Variants in OTOA observed in about 807,000 individuals in gnomAD.
OTOA encodes the protein cancer/testis antigen 108.
Under a neutral mutation model 110.8 loss-of-function variants are expected in OTOA, and 70 were observed. The observed-to-expected ratio is 0.63, with a 90% CI of 0.52 to 0.77. OTOA has a LOEUF of 0.77. Among genes scored for constraint, OTOA ranks in the 30% least tolerant of loss-of-function variants. The pLI is 0.00. For missense variants in OTOA, 917 were observed against 1,075.8 expected, an observed-to-expected ratio of 0.85 and a Z score of 2.06; for synonymous variants, 373 against 431.5, an observed-to-expected ratio of 0.86 and a Z score of 1.68.
Position 21,709,878 on chromosome 16 carries a change from C to G in OTOA, c.1105-10C>G, listed in dbSNP as rs727503349. 6.2e-6 allele frequency: 10 copies of G among 1,608,116 alleles called. No individual in the cohort carries two copies. Among genetic ancestry groups the G allele is most frequent in the Non-Finnish European group, 8.5e-6 (10 of 1,174,696 alleles). On this transcript the variant is annotated splice_polypyrimidine_tract_variant and intron_variant, in intron 12 of 28. Coordinates refer to ENST00000646100, the MANE Select transcript of OTOA (RefSeq NM_144672.4). ...CTGTCAACACTCATTCCAGTTTGCT[C>G]TCCTTCCAGCTCAAAGCAGAACTCC...
chr16:21,677,668 G>C (rs943869264), intron 1 of OTOA, among the ~76,000 whole-genome samples: 1 of 151,650 alleles, frequency 6.6e-6, no homozygotes, highest in African/African-American at 2.4e-5. Context: ...ATTTTTATTA[G>C]AGACGGGGTT....
chr16:21,682,475 A>G (rs1490096556), intron 6 of OTOA, among the ~76,000 whole-genome samples: 1 of 152,238 alleles, frequency 6.6e-6, no homozygotes, highest in African/African-American at 2.4e-5. Context: ...TATAGTGATC[A>G]GTCTTTCTAC....
chr16:21,668,900 G>A (rs1350845891), intron 1 of OTOA, among the ~76,000 whole-genome samples: 1 of 152,034 alleles, frequency 6.6e-6, no homozygotes, highest in Non-Finnish European at 1.5e-5. Context: ...GTTTTGGGGA[G>A]TTTTCCACAG....
At chr16:21,758,738 T>C (rs1333649344) in intron 28 of OTOA, among the ~76,000 whole-genome samples, 1 of 151,078 alleles carries the variant, frequency 6.6e-6, no homozygotes, top group Non-Finnish European at 1.5e-5. Flanking sequence ...CATTGGCTCA[T>C]GCCTGTAATC....
At chr16:21,712,245 T>C (rs1898379198) in intron 13 of OTOA, among the ~76,000 whole-genome samples, 2 of 151,880 alleles carry the variant, frequency 1.3e-5, no homozygotes, top group Admixed American at 1.3e-4. Context: ...AAGAATTACT[T>C]GAACCCAGGA....
intron 10 of OTOA, among the ~76,000 whole-genome samples, chr16:21,700,490 C>T (rs1420220439): frequency 2.0e-5 from 3 of 151,876 alleles, no homozygotes; most frequent in Admixed American, 1.3e-4. Flanking sequence ...TTTGGGAGGC[C>T]GAGGCGGGTG....
At chr16:21,728,090 C>T in intron 19 of OTOA, 151 bp from the exon 20 acceptor site, 1 of 940,256 alleles carries the variant, frequency 1.1e-6, no homozygotes, top group Non-Finnish European at 1.7e-6. Context: ...ATTTCGAACT[C>T]CTGGCCTCAA....
Position 21,709,992 on chromosome 16 carries a change from A to T in OTOA, c.1209A>T (p.Glu403Asp). ...TAGGTTTGACCTACAGCCAACTGGA[A>T]TCCCTCTCCCCCGAGGCTGTGCACG... ...AVVGLTYSQL[E>D]SLSPEAVHGA... Residue 403 changes from glutamate to aspartate, a missense_variant, in exon 13 of 29, where the codon GAA becomes GAT. Around this residue, in one of 6 missense-constraint regions of OTOA, gnomAD observed 840 missense variants for 910.2 expected, o/e 0.92. Transcript: ENST00000646100. 1 of 1,613,778 alleles carries T rather than the reference A, an allele frequency of 6.2e-7. No individual in the cohort carries two copies. Among genetic ancestry groups the T allele is most frequent in the Non-Finnish European group, 8.5e-7 (1 of 1,179,912 alleles).
At chr16:21,760,096 C>T (rs1447783557) in intron 28 of OTOA, among the ~76,000 whole-genome samples, 2 of 151,882 alleles carry the variant, frequency 1.3e-5, no homozygotes, top group Non-Finnish European at 2.9e-5. Context: ...TTGGATGAAC[C>T]CTTCCTATGG....
intron 5 of OTOA, among the ~76,000 whole-genome samples, chr16:21,679,441 G>C (rs1966872388): frequency 6.6e-6 from 1 of 151,994 alleles, no homozygotes; most frequent in Non-Finnish European, 1.5e-5. Flanking sequence ...CGCTCTTGTT[G>C]CCCAGGATGG....
In OTOA at chr16:21,666,496, C is replaced by T. The variant is rs149107790; in HGVS notation, c.-5+2264C>T. ...CCAACTCCTCCGGGTTTGCCTGTGA[C>T]TTTCTGGTTTCAAAATGGAAAGTTT... is the stretch of plus-strand genomic sequence containing the variant. On this transcript the variant is annotated intron_variant, in intron 1 of 28. Coordinates refer to ENST00000646100, the MANE Select transcript of OTOA (RefSeq NM_144672.4). Among the ~76,000 whole-genome samples the T allele has an allele frequency of 5.9e-5, 9 of 152,264 alleles. No homozygotes were observed. The East Asian group carries it at 1.4e-3, about 23-fold the overall frequency.
chr16:21,730,508 A>G (rs2141722506), intron 20 of OTOA: 2 of 351,356 alleles, frequency 5.7e-6, no homozygotes, highest in East Asian at 1.4e-4. Context: ...CTTCAGGAAT[A>G]TGTTCCTCCC....
chr16:21,679,274 A>G (rs1445567237), intron 5 of OTOA, 63 bp downstream of exon 5: 87 of 1,535,012 alleles, frequency 5.7e-5, no homozygotes, highest in Non-Finnish European at 7.8e-5. Flanking sequence ...TTCTTAATGG[A>G]AGTCTCTTAA....
chr16:21,679,044 A>G lies in OTOA; in HGVS notation c.129A>G (p.Ile43Met). 1 of 1,614,084 alleles carries G rather than the reference A, an allele frequency of 6.2e-7. No homozygotes were observed. Among genetic ancestry groups the G allele is most frequent in the Non-Finnish European group, 8.5e-7 (1 of 1,179,990 alleles). The change falls in exon 4 of 29, where the codon ATA (isoleucine) becomes ATG (methionine). Residue 43 changes from isoleucine (I) to methionine (M), a missense_variant. By Grantham distance (10) the Ile-to-Met change is conservative. Coordinates refer to ENST00000646100, the MANE Select transcript of OTOA (RefSeq NM_144672.4). ...HPLLQNMAEEIIDGSYLNALL... is the reference protein window; with the variant it reads ...HPLLQNMAEEMIDGSYLNALL... The stretch of plus-strand genomic sequence containing the variant: ...ATCTCTTTGCCTTTTAGGAAGAAAT[A>G]ATAGATGGAAGCTATCTGAATGGTA...
At chr16:21,665,833 ATT>A (rs796956897) in intron 1 of OTOA, among the ~76,000 whole-genome samples, 2 of 145,932 alleles carry the variant, frequency 1.4e-5, no homozygotes, top group Non-Finnish European at 3.0e-5. Context: ...GACTGCTTGA[ATT>A]TTTTTTTTTT....
chr16:21,732,090 C>T (rs1219179700), intron 21 of OTOA, among the ~76,000 whole-genome samples: 18 of 152,020 alleles, frequency 1.2e-4, no homozygotes, highest in African/African-American at 3.9e-4. Flanking sequence ...CTCAGCCTCC[C>T]GAGTAGCTGG....
chr16:21,693,998 C>CGCT (rs1897884221), intron 9 of OTOA, among the ~76,000 whole-genome samples: 1 of 152,190 alleles, frequency 6.6e-6, no homozygotes, highest in Non-Finnish European at 1.5e-5. Context: ...TCAGCTCTGA[C>CGCT]ACTGCAGCTT....
chr16:21,692,927 C>CAAAAAAAA (rs34170544), intron 9 of OTOA, among the ~76,000 whole-genome samples: 1 of 97,060 alleles, frequency 1.0e-5, no homozygotes, highest in African/African-American at 4.2e-5. Context: ...GACTCTGTCT[C>CAAAAAAAA]AAAAAAAAAA....
chr16:21,685,414 T>C (rs113553788), intron 7 of OTOA, 53 bp downstream of exon 7: 1 of 1,598,972 alleles, frequency 6.3e-7, no homozygotes, highest in African/African-American at 1.3e-5. Context: ...CCACGTGGTG[T>C]TTGTTGAATT....
Sources: allele counts gnomAD v4.1 joint callset (sites outside exome capture counted in the v4.1 genomes callset), GRCh38; gene constraint gnomAD v4.1.1; regional missense constraint gnomAD v4.1.1; transcripts MANE v1.5; gene names NCBI Gene and HGNC (gene_info 2026-07-23, HGNC 2026-07-21).